PCDHGA1: variants seen among roughly 807,000 people sequenced by gnomAD.
The protein encoded by PCDHGA1 is protocadherin gamma-A1.
PCDHGA1 carries 32 observed loss-of-function variants against 58.0 expected under a neutral mutation model. The observed-to-expected ratio is 0.55, with a 90% CI of 0.42 to 0.74. The LOEUF (loss-of-function observed/expected upper bound fraction) is 0.74, where lower values mean the gene tolerates loss of function less well. Among genes scored for constraint, PCDHGA1 ranks in the 30% least tolerant of loss-of-function variants. PCDHGA1 has a pLI of 0.00. For missense variants in PCDHGA1, 1,205 were observed against 1,182.3 expected (o/e 1.02, Z -0.28); for synonymous variants, 498 against 501.1 (o/e 0.99, Z 0.08).
At chr5:141,451,624 G>A (rs1016417101) in intron 1 of PCDHGA1, among the ~76,000 whole-genome samples, 3 of 152,150 alleles carry the variant, frequency 2.0e-5, no homozygotes, top group African/African-American at 7.2e-5. Context: ...GCTCAAACCT[G>A]TAATTCCAGC....
intron 1 of PCDHGA1, among the ~76,000 whole-genome samples, chr5:141,467,590 A>T (rs2099146863): frequency 6.6e-6 from 1 of 152,214 alleles, no homozygotes; most frequent in African/African-American, 2.4e-5. Context: ...AATGCCATTT[A>T]TTAAGCACTT....
At chr5:141,502,406 T>G (rs1390520101) in intron 2 of PCDHGA1, among the ~76,000 whole-genome samples, 1 of 152,072 alleles carries the variant, frequency 6.6e-6, no homozygotes, top group African/African-American at 2.4e-5. Context: ...TCCCCGAACC[T>G]GGATTTGCTG....
At chr5:141,456,912 G>A (rs566842808) in intron 1 of PCDHGA1, among the ~76,000 whole-genome samples, 2 of 152,206 alleles carry the variant, frequency 1.3e-5, no homozygotes, top group South Asian at 2.1e-4. Context: ...GCAGTGAGCC[G>A]AGATCGCACC....
chr5:141,415,411 G>A (rs754595054), intron 1 of PCDHGA1: 45 of 1,614,112 alleles, frequency 2.8e-5, no homozygotes, highest in Non-Finnish European at 3.6e-5. Context: ...GCACTTTGTG[G>A]GCGTGGACGG....
At chr5:141,451,019 G>A (rs1348607593) in intron 1 of PCDHGA1, among the ~76,000 whole-genome samples, 7 of 151,274 alleles carry the variant, frequency 4.6e-5, no homozygotes, top group Admixed American at 2.0e-4. Context: ...TAGTAGAGAC[G>A]AGGTTTCACC....
At position 141,340,994 on chromosome 5, in the gene PCDHGA1, C is replaced by G. The variant is rs746117073; in HGVS notation, c.2421+7889C>G. The G allele has an allele frequency of 1.4e-5, 22 of 1,614,000 alleles. No individual in the cohort carries two copies. Among genetic ancestry groups the G allele is most frequent in the African/African-American group, 2.7e-5 (2 of 74,930 alleles). On this transcript the variant is annotated intron_variant, in intron 1 of 3. Transcript: ENST00000517417. ...CAGGATCCCCGACATCCTGGCCGAC[C>G]TGGGCAGCCTCGAGCCCTCCGCCAT...
intron 1 of PCDHGA1, chr5:141,422,940 C>T (rs769630623): frequency 2.0e-5 from 32 of 1,614,124 alleles, no homozygotes; most frequent in Admixed American, 5.0e-5. Flanking sequence ...TCCCCACAGA[C>T]GGCTCCACTG....
At chr5:141,479,358 GC>G (rs2154577546) in intron 1 of PCDHGA1, 1 of 152,584 alleles carries the variant, frequency 6.6e-6, no homozygotes, top group Non-Finnish European at 1.5e-5. Flanking sequence ...GCTGCTCAGT[GC>G]CTGAGGTGGG....
intron 1 of PCDHGA1, among the ~76,000 whole-genome samples, chr5:141,458,445 T>G (rs180720013): frequency 6.6e-6 from 1 of 151,738 alleles, no homozygotes; most frequent in East Asian, 1.9e-4. Flanking sequence ...TCCCCCACAT[T>G]AACAATTTTT....
At chr5:141,457,929 C>T (rs1207409757) in intron 1 of PCDHGA1, among the ~76,000 whole-genome samples, 2 of 152,194 alleles carry the variant, frequency 1.3e-5, no homozygotes, top group Non-Finnish European at 2.9e-5. Context: ...CCCCAAGGGG[C>T]TTTTATTGGC....
Position 141,334,925 on chromosome 5 carries a change from C to G in PCDHGA1, c.2421+1820C>G, listed in dbSNP as rs1756541557. Among the ~76,000 whole-genome samples, 1 of 152,136 alleles carries G rather than the reference C, an allele frequency of 6.6e-6. No homozygotes were observed. The highest frequency in any genetic ancestry group is 6.5e-5 in the Admixed American group (1 of 15,276). The stretch of plus-strand genomic sequence containing the variant: ...GAAAAAAACAAACTAAAACTAAAAA[C>G]AAACAGAGCTCTTCCACTAAAAATA... On this transcript the variant is annotated intron_variant, in intron 1 of 3. Coordinates refer to ENST00000517417, the MANE Select transcript of PCDHGA1 (RefSeq NM_018912.3). The surrounding 1 kb of genome is among the most constrained non-coding windows in gnomAD (Gnocchi z 4.6).
At chr5:141,356,642 G>A in intron 1 of PCDHGA1, 1 of 1,614,132 alleles carries the variant, frequency 6.2e-7, no homozygotes, top group Non-Finnish European at 8.5e-7. Flanking sequence ...GACCCTGACA[G>A]TGGTGACAAT....
At chr5:141,344,450 A>G (rs1468158906) in intron 1 of PCDHGA1, 1 of 1,613,824 alleles carries the variant, frequency 6.2e-7, no homozygotes, top group African/African-American at 1.3e-5. Flanking sequence ...AGGAATTGGA[A>G]ATAAAAATTG....
Position 141,408,894 on chromosome 5 carries a change from C to T in PCDHGA1, c.2421+75789C>T, listed in dbSNP as rs778126197. 71 of 1,613,186 alleles carry T rather than the reference C, an allele frequency of 4.4e-5. No homozygotes were observed. The Middle Eastern group carries it at 4.9e-4, about 11-fold the overall frequency. ...AGTGCCACCGCTCACATAGAAATTT[C>T]TGTCAAGGATACCAATGATAACCCC... On this transcript the variant is annotated intron_variant, in intron 1 of 3. Transcript: ENST00000517417.
chr5:141,383,453 G>C lies in PCDHGA1; in HGVS notation c.2421+50348G>C, dbSNP rs116033027. 4.2e-4 allele frequency: 670 copies of C among 1,613,934 alleles called. 4 individuals are homozygous for C. The African/African-American group carries it at 7.6e-3, about 18-fold the overall frequency. The stretch of plus-strand genomic sequence containing the variant: ...CACTTCTCCCTGGCTGTGCAAAGTG[G>C]AGACGATGAAACTAAGTACCCGGAA... On this transcript the variant is annotated intron_variant, in intron 1 of 3. Coordinates refer to ENST00000517417, the MANE Select transcript of PCDHGA1 (RefSeq NM_018912.3).
chr5:141,495,034 A>C (rs986393420), intron 2 of PCDHGA1, 169 bp downstream of exon 2: 1 of 962,702 alleles, frequency 1.0e-6, no homozygotes, highest in Non-Finnish European at 1.2e-6. Context: ...CCCCGGAAGG[A>C]AGAGGCGACT....
At chr5:141,480,285 T>C (rs1369369395) in intron 1 of PCDHGA1, among the ~76,000 whole-genome samples, 1 of 151,924 alleles carries the variant, frequency 6.6e-6, no homozygotes, top group East Asian at 1.9e-4. Flanking sequence ...TGTGTTGGCA[T>C]GCACCTGTGG....
rs755163825 is a variant in PCDHGA1, at chr5:141,491,048, C to A, written c.2422-3759C>A. 6.2e-6 allele frequency: 10 copies of A among 1,613,948 alleles called. No individual in the cohort carries two copies. Among genetic ancestry groups the A allele is most frequent in the Non-Finnish European group, 7.6e-6 (9 of 1,179,960 alleles). ...GTGGATGCTGATGCAGGCCACAATG[C>A]GTGGCTCTCCTACTCACTGTTGCCA... On this transcript the variant is annotated intron_variant, in intron 1 of 3. Coordinates refer to ENST00000517417, the MANE Select transcript of PCDHGA1 (RefSeq NM_018912.3). The surrounding 1 kb of genome is among the most constrained non-coding windows in gnomAD (Gnocchi z 6.9).
In PCDHGA1 at chr5:141,398,940, G is replaced by C. The variant is rs781438773; in HGVS notation, c.2421+65835G>C. 6.2e-7 allele frequency: 1 copy of C among 1,613,944 alleles called. No individual in the cohort carries two copies. Among genetic ancestry groups the C allele is most frequent in the Middle Eastern group, 1.7e-4 (1 of 6,060 alleles). ...AAGTGTCAGCCACTGACCAAGACGAGGGCATCAACTCAGAAATTACTTATT... is the reference window on the plus strand; with the variant it reads ...AAGTGTCAGCCACTGACCAAGACGACGGCATCAACTCAGAAATTACTTATT... On this transcript the variant is annotated intron_variant, in intron 1 of 3. Transcript: ENST00000517417.
Sources: allele counts gnomAD v4.1 joint callset (sites outside exome capture counted in the v4.1 genomes callset), GRCh38; gene constraint gnomAD v4.1.1; non-coding constraint Gnocchi (gnomAD v3.1); transcripts MANE v1.5; gene names NCBI Gene and HGNC (gene_info 2026-07-23, HGNC 2026-07-21).